The following RNF141 variants were observed in gnomAD, a reference collection of about 807,000 sequenced individuals.
RNF141 encodes the protein C3HC4-like zinc finger protein.
RNF141 carries 18 observed loss-of-function variants against 27.4 expected under a neutral mutation model. The observed-to-expected ratio is 0.66, with a 90% CI of 0.45 to 0.97. The LOEUF is 0.97. Among genes scored for constraint, RNF141 ranks in the 50% least tolerant of loss-of-function variants. The pLI, the probability that RNF141 is intolerant of heterozygous loss-of-function variation, is 0.00. For synonymous variants in RNF141, 97 were observed against 96.6 expected (o/e 1.00, Z -0.02); for missense variants, 230 against 279.4 (o/e 0.82, Z 1.26).
At position 10,534,141 on chromosome 11, in the gene RNF141, C is replaced by T. The variant is rs377017497; in HGVS notation, c.18G>A (p.Ser6=). 31 of 1,612,802 alleles carry T rather than the reference C, an allele frequency of 1.9e-5. No homozygotes were observed. Among genetic ancestry groups the T allele is most frequent in the African/African-American group, 4.0e-5 (3 of 74,970 alleles). The change falls in exon 2 of 6, where the codon TCG becomes TCA. Residue 6 remains serine, a synonymous_variant. Coordinates refer to ENST00000265981, the MANE Select transcript of RNF141 (RefSeq NM_016422.4). ...TGTTAATAACCAACTGTGTCTGATC[C>T]GAAATTTGCTGTCCCATGATGAAAA... is the stretch of plus-strand genomic sequence containing the variant. MGQQI[S]DQTQLVINKL...
intron 3 of RNF141, among the ~76,000 whole-genome samples, chr11:10,527,317 A>G (rs558807979): frequency 6.6e-6 from 1 of 152,242 alleles, no homozygotes. Flanking sequence ...AAGATGAAAC[A>G]GGGGAGAAGG....
chr11:10,531,155 T>C (rs12275930), intron 2 of RNF141, among the ~76,000 whole-genome samples: 29,849 of 151,928 alleles, frequency 0.2, 3,889 homozygotes, highest in African/African-American at 0.36. Context: ...GGCAGGCAGA[T>C]CACGAGGTCA....
At chr11:10,520,386 A>G (rs1197278889) in intron 4 of RNF141, among the ~76,000 whole-genome samples, 2 of 152,200 alleles carry the variant, frequency 1.3e-5, no homozygotes, top group South Asian at 4.1e-4. Context: ...AAACTAAGAC[A>G]TAACACACAC....
intron 1 of RNF141, among the ~76,000 whole-genome samples, chr11:10,539,212 C>G (rs1850063463): frequency 1.3e-5 from 2 of 152,106 alleles, no homozygotes; most frequent in African/African-American, 4.8e-5. Context: ...AAAATTACAT[C>G]ATGGGTAACT....
At position 10,534,075 on chromosome 11, in the gene RNF141, T is replaced by C. The variant is rs758023447; in HGVS notation, c.84A>G (p.Arg28=). Residue 28 remains arginine (R), a synonymous_variant, in exon 2 of 6, where the codon CGA becomes CGG. Coordinates refer to ENST00000265981, the MANE Select transcript of RNF141 (RefSeq NM_016422.4). The part of the protein sequence containing the change: ...EKVAKHVTLV[R]ESGSLTYEEF... The stretch of plus-strand genomic sequence containing the variant: ...CTTCATAAGTTAAGGAGCCACTCTC[T>C]CGAACCAACGTAACATGTTTTGCTA... 6.2e-7 allele frequency: 1 copy of C among 1,613,728 alleles called. No homozygotes were observed. The highest frequency in any genetic ancestry group is 8.5e-7 in the Non-Finnish European group (1 of 1,179,696).
chr11:10,525,362 G>C lies in RNF141; in HGVS notation c.264C>G (p.Ser88Arg). Residue 88 changes from serine (S) to arginine (R), a missense_variant, in exon 4 of 6, where the codon AGC becomes AGG. Ser to Arg is a moderately radical substitution (Grantham distance 110). Transcript: ENST00000265981. Reference sequence around the variant, plus strand: ...TCCGTGATGCCTCCACAATGCCACTGCTTTTGTTAATCTAAAAATACAAAG... The same window carrying C: ...TCCGTGATGCCTCCACAATGCCACTCCTTTTGTTAATCTAAAAATACAAAG... ...VRVVCTKINK[S>R]SGIVEASRIM... 6.4e-7 allele frequency: 1 copy of C among 1,554,002 alleles called. No individual in the cohort carries two copies. The highest frequency in any genetic ancestry group is 2.3e-5 in the East Asian group (1 of 43,180).
chr11:10,534,950 T>A (rs1411224090), intron 1 of RNF141, among the ~76,000 whole-genome samples: 1 of 152,112 alleles, frequency 6.6e-6, no homozygotes, highest in African/African-American at 2.4e-5. Context: ...TTTAACCACC[T>A]CACATTTTCT....
chr11:10,525,156 A>C (rs1849921007), intron 4 of RNF141, 36 bp downstream of exon 4: 3 of 1,426,732 alleles, frequency 2.1e-6, no homozygotes, highest in Non-Finnish European at 2.8e-6. Context: ...TTCATATTAG[A>C]AAATAAGTGA....
In RNF141 at chr11:10,526,714, G is replaced by A. The variant is rs578146172; in HGVS notation, c.253-1341C>T. Among the ~76,000 whole-genome samples, 7 of 151,916 alleles carry A rather than the reference G, an allele frequency of 4.6e-5. No homozygotes were observed. The East Asian group carries it at 7.8e-4, about 17-fold the overall frequency. On this transcript the variant is annotated intron_variant, in intron 3 of 5. Transcript: ENST00000265981. ...AGGAGAATCACTTGAACCAGGAGGC[G>A]GAGGTTGCAGTGAGCCGAGATGGCG...
rs1165082077 is a variant in RNF141 at position 10,512,122 on chromosome 11, T to C, written c.*2794A>G. On this transcript the variant is annotated 3_prime_UTR_variant, in exon 6 of 6. Transcript: ENST00000265981. Reference sequence around the variant, plus strand: ...GGGAAAACAAATTCCTTAGAGTTCATGAAACCACTTCACAAATCCTAGAAG... The same window carrying C: ...GGGAAAACAAATTCCTTAGAGTTCACGAAACCACTTCACAAATCCTAGAAG... 6.6e-6 allele frequency: 1 copy of C among 152,628 alleles called. No individual in the cohort carries two copies. Among genetic ancestry groups the C allele is most frequent in the Non-Finnish European group, 1.5e-5 (1 of 68,030 alleles). 9.5% of individuals were successfully genotyped at this position (152,628 alleles called of 1,614,324 possible).
At chr11:10,532,813 C>A (rs1375326407) in intron 2 of RNF141, among the ~76,000 whole-genome samples, 1 of 152,126 alleles carries the variant, frequency 6.6e-6, no homozygotes, top group African/African-American at 2.4e-5. Context: ...GACTACAGTA[C>A]TGTAAGTTTA....
rs1276253915 is a variant in RNF141 at position 10,513,410 on chromosome 11, A to G, written c.*1506T>C. The stretch of plus-strand genomic sequence containing the variant: ...TTGCAACTTATGAATGATAAGTCAG[A>G]AAAGTTACATGGAATGTTAAATTTT... On this transcript the variant is annotated 3_prime_UTR_variant, in exon 6 of 6. Coordinates refer to ENST00000265981, the MANE Select transcript of RNF141 (RefSeq NM_016422.4). 1 of 152,230 alleles carries G rather than the reference A, an allele frequency of 6.6e-6. No individual in the cohort carries two copies. The highest frequency in any genetic ancestry group is 2.4e-5 in the African/African-American group (1 of 41,462). 9.4% of individuals were successfully genotyped at this position (152,230 alleles called of 1,614,324 possible). A position where few individuals can be genotyped will look rare whatever the true frequency, so the allele number is the denominator to read the frequency against.
At chr11:10,536,538 T>C (rs1430333080) in intron 1 of RNF141, among the ~76,000 whole-genome samples, 2 of 152,216 alleles carry the variant, frequency 1.3e-5, no homozygotes, top group African/African-American at 2.4e-5. Context: ...AAAAGTTATA[T>C]CCTGAAGAGC....
At chr11:10,527,130 T>A (rs1849942876) in intron 3 of RNF141, among the ~76,000 whole-genome samples, 1 of 152,176 alleles carries the variant, frequency 6.6e-6, no homozygotes, top group South Asian at 2.1e-4. Flanking sequence ...CTGAAACAAG[T>A]ATTTATTGAG....
In RNF141 at chr11:10,511,852, A is replaced by AT. The variant is rs1198405378; in HGVS notation, c.*3063dup. ...ACAAGCCCCCAGCGCACAATATAAA[A>AT]TAGTTCTCTAAGGAATATAAACATT... is the stretch of plus-strand genomic sequence containing the variant. On this transcript the variant is annotated 3_prime_UTR_variant, in exon 6 of 6. Coordinates refer to ENST00000265981, the MANE Select transcript of RNF141 (RefSeq NM_016422.4). 3 of 152,654 alleles carry AT rather than the reference A, an allele frequency of 2.0e-5. No individual in the cohort carries two copies. Among genetic ancestry groups the AT allele is most frequent in the Non-Finnish European group, 4.4e-5 (3 of 68,040 alleles). The allele number at this position is 152,654 out of a possible 1,614,324, so 9.5% of individuals were successfully genotyped here. A position where few individuals can be genotyped will look rare whatever the true frequency, so the allele number is the denominator to read the frequency against.
chr11:10,528,126 T>G (rs560991855), intron 3 of RNF141, among the ~76,000 whole-genome samples: 1 of 152,338 alleles, frequency 6.6e-6, no homozygotes, highest in South Asian at 2.1e-4. Context: ...GATTAAATAT[T>G]ATTTAAGGAT....
In RNF141 at chr11:10,515,241, C is replaced by T. The variant is rs568518365; in HGVS notation, c.543-175G>A. Reference sequence around the variant, plus strand: ...CAATTCTCTTTCCCAGGGGCAACCACAGTTACCAGTTTCTTATATATTCCT... The same window carrying T: ...CAATTCTCTTTCCCAGGGGCAACCATAGTTACCAGTTTCTTATATATTCCT... On this transcript the variant is annotated intron_variant, in intron 5 of 5. Transcript: ENST00000265981. 1.0e-5 allele frequency: 7 copies of T among 677,028 alleles called. No individual in the cohort carries two copies. The South Asian group carries it at 1.1e-4, about 10-fold the overall frequency. 41.9% of individuals were successfully genotyped at this position (677,028 alleles called of 1,614,324 possible).
In RNF141 at chr11:10,525,399, G is replaced by A. The variant is rs777973384; in HGVS notation, c.253-26C>T. On this transcript the variant is annotated intron_variant, in intron 3 of 5. Coordinates refer to ENST00000265981, the MANE Select transcript of RNF141 (RefSeq NM_016422.4). ...CTAAAAATACAAAGAACATGAAAAAGAAAAGTTGATCATTTCTCTGACCAA... is the reference window on the plus strand; with the variant it reads ...CTAAAAATACAAAGAACATGAAAAAAAAAAGTTGATCATTTCTCTGACCAA... 7.2e-6 allele frequency: 11 copies of A among 1,529,626 alleles called. No individual in the cohort carries two copies. The East Asian group carries it at 2.5e-4, about 35-fold the overall frequency. The allele number at this position is 1,529,626 out of a possible 1,614,324, so 94.8% of individuals were successfully genotyped here.
rs960856943 is a variant in RNF141 at position 10,530,672 on chromosome 11, T to C, written c.223A>G (p.Lys75Glu). 5 of 1,611,034 alleles carry C rather than the reference T, an allele frequency of 3.1e-6. No individual in the cohort carries two copies. Among genetic ancestry groups the C allele is most frequent in the Non-Finnish European group, 4.2e-6 (5 of 1,178,192 alleles). ...QPGSDSSAFW[K>E]VVVRVVCTKI... ...GTACAGACCACCCGTACAACCACTTTCCAAAAAGCAGAGGAATCAGACCCA... is the reference window on the plus strand; with the variant it reads ...GTACAGACCACCCGTACAACCACTTCCCAAAAAGCAGAGGAATCAGACCCA... Residue 75 changes from lysine (K) to glutamate (E), a missense_variant, in exon 3 of 6, where the codon AAA becomes GAA. Lys to Glu is a moderately conservative substitution (Grantham distance 56, BLOSUM62 1). Transcript: ENST00000265981.
Sources: gnomAD v4.1 joint callset for allele counts (sites outside exome capture counted in the v4.1 genomes callset) on GRCh38, gnomAD v4.1.1 for gene constraint, MANE v1.5 for transcripts, NCBI Gene and HGNC (gene_info 2026-07-23, HGNC 2026-07-21) for gene names.